Variants in CASP4 observed in about 807,000 individuals in gnomAD.
CASP4 encodes caspase 4.
CASP4 carries 29 observed loss-of-function variants against 41.3 expected under a neutral mutation model. That is an observed-to-expected ratio of 0.70 (90% CI 0.52 to 0.96). The LOEUF is 0.96. Ranked by LOEUF, CASP4 falls within the 40% of genes least tolerant of loss-of-function variation. The pLI, the probability that CASP4 is intolerant of heterozygous loss-of-function variation, is 0.00. For missense variants in CASP4, 447 were observed against 460.6 expected, an observed-to-expected ratio of 0.97 and a Z score of 0.27; for synonymous variants, 185 against 158.4, an observed-to-expected ratio of 1.17 and a Z score of -1.26.
At chr11:104,949,852 G>A (rs904427899) in intron 4 of CASP4, 75 bp from the exon 5 acceptor site, 15 of 1,350,798 alleles carry the variant, frequency 1.1e-5, no homozygotes, top group Admixed American at 5.3e-5. Flanking sequence ...TACCATGAGC[G>A]AAACAAGAAA....
Position 104,949,769 on chromosome 11 carries a change from C to T in CASP4, c.555G>A (p.Glu185=), listed in dbSNP as rs770023535. Residue 185 remains glutamate, a synonymous_variant, in exon 5 of 9, where the codon GAG becomes GAA. Transcript: ENST00000444739. ...TGGTAGCAAATGCCCTCAGCGCTGA[C>T]TCCATATCCTGTAAAAGAGCAATGT... ...VEENLTARDM[E]SALRAFATRP... The T allele has an allele frequency of 2.2e-5, 35 of 1,613,552 alleles. No individual in the cohort carries two copies. Among genetic ancestry groups the T allele is most frequent in the Non-Finnish European group, 2.6e-5 (31 of 1,179,766 alleles).
intron 1 of CASP4, 46 bp downstream of exon 1, chr11:104,968,473 T>C (rs760952282): frequency 6.4e-7 from 1 of 1,558,838 alleles, no homozygotes; most frequent in South Asian, 1.1e-5. Context: ...AAATCAAGTG[T>C]TTTCTAAGTT....
At chr11:104,955,432 T>C (rs1046735141) in intron 1 of CASP4, among the ~76,000 whole-genome samples, 2 of 152,148 alleles carry the variant, frequency 1.3e-5, no homozygotes, top group African/African-American at 4.8e-5. Context: ...CTATATGATT[T>C]TTACTCTTTT....
rs1164412501 is a variant in CASP4 at position 104,965,988 on chromosome 11, C to G, written c.7+2531G>C. ...ACTTTGACACCCTATGATTCCATCT[C>G]CCACCTGAGTAATCAGCACTTCCTA... On this transcript the variant is annotated intron_variant, in intron 1 of 8. Coordinates refer to ENST00000444739, the MANE Select transcript of CASP4 (RefSeq NM_001225.4). Among the ~76,000 whole-genome samples, 7 of 152,196 alleles carry G rather than the reference C, an allele frequency of 4.6e-5. No homozygotes were observed. In the South Asian group the frequency reaches 1.4e-3, roughly 31 times the overall value.
At chr11:104,946,531 T>C (rs1565363390) in intron 7 of CASP4, 2 of 152,230 alleles carry the variant, frequency 1.3e-5, no homozygotes, top group Non-Finnish European at 2.9e-5. Flanking sequence ...TGTCCCAAGT[T>C]GGGCAAGAAG....
chr11:104,961,298 T>C (rs569656816), intron 1 of CASP4, among the ~76,000 whole-genome samples: 1 of 152,238 alleles, frequency 6.6e-6, no homozygotes. Flanking sequence ...TGTAGCTGCA[T>C]TGAAGGGTGT....
chr11:104,951,158 T>C lies in CASP4; in HGVS notation c.373-60A>G. 2.0e-6 allele frequency: 3 copies of C among 1,471,504 alleles called. No individual in the cohort carries two copies. In the African/African-American group the frequency reaches 4.2e-5, roughly 21 times the overall value. 91.2% of individuals were successfully genotyped at this position (1,471,504 alleles called of 1,614,324 possible). A position where few individuals can be genotyped will look rare whatever the true frequency, so the allele number is the denominator to read the frequency against. ...CTCAAGTCTCCTTTCAGCCTCCTTA[T>C]GCCTATCAGTGTTGCTTTTTCAAGT... On this transcript the variant is annotated intron_variant, in intron 3 of 8. Coordinates refer to ENST00000444739, the MANE Select transcript of CASP4 (RefSeq NM_001225.4).
At chr11:104,953,839 A>G (rs552013386) in intron 2 of CASP4, among the ~76,000 whole-genome samples, 28 of 152,254 alleles carry the variant, frequency 1.8e-4, no homozygotes, top group African/African-American at 6.0e-4. Context: ...CTGGGTCAAA[A>G]GTTCCAAAAA....
chr11:104,960,711 C>T (rs1214495248), intron 1 of CASP4, among the ~76,000 whole-genome samples: 1 of 152,154 alleles, frequency 6.6e-6, no homozygotes, highest in Non-Finnish European at 1.5e-5. Flanking sequence ...CTCAGGTGAT[C>T]CACCCATCTT....
intron 1 of CASP4, among the ~76,000 whole-genome samples, chr11:104,965,380 C>T (rs1860950102): frequency 6.6e-6 from 1 of 152,212 alleles, no homozygotes; most frequent in African/African-American, 2.4e-5. Context: ...ACTCTAATTT[C>T]CACTATGTCT....
chr11:104,958,424 A>C (rs1285406251), intron 1 of CASP4, among the ~76,000 whole-genome samples: 1 of 152,202 alleles, frequency 6.6e-6, no homozygotes, highest in Non-Finnish European at 1.5e-5. Context: ...AACACAAACA[A>C]TTCAATAGAA....
chr11:104,959,591 A>G lies in CASP4; in HGVS notation c.8-4590T>C, dbSNP rs532941639. 4.6e-5 allele frequency among the ~76,000 whole-genome samples: 7 copies of G among 152,336 alleles called. No homozygotes were observed. In the East Asian group the frequency reaches 1.2e-3, roughly 25 times the overall value. ...GATGTGGATGTCGGTATTGAAACCT[A>G]TACATTCAATAGACAATGAGATATC... On this transcript the variant is annotated intron_variant, in intron 1 of 8. Coordinates refer to ENST00000444739, the MANE Select transcript of CASP4 (RefSeq NM_001225.4).
intron 1 of CASP4, among the ~76,000 whole-genome samples, chr11:104,961,753 C>T (rs1303818452): frequency 6.6e-6 from 1 of 152,112 alleles, no homozygotes; most frequent in Non-Finnish European, 1.5e-5. Context: ...GTCTCATCTT[C>T]GTGTGTGTTT....
At chr11:104,957,423 T>C (rs1170842305) in intron 1 of CASP4, among the ~76,000 whole-genome samples, 2 of 152,126 alleles carry the variant, frequency 1.3e-5, no homozygotes, top group Non-Finnish European at 2.9e-5. Flanking sequence ...ATTTAAAAAG[T>C]TGGCTGGCCA....
chr11:104,945,254 T>TTC (rs1397866938), intron 7 of CASP4, among the ~76,000 whole-genome samples: 4 of 2,460 alleles, frequency 1.6e-3, no homozygotes, highest in African/African-American at 1.7e-3. Flanking sequence ...TTATCTTTCT[T>TTC]TTTTTTTTTT....
chr11:104,944,828 T>G lies in CASP4; in HGVS notation c.1059A>C (p.Pro353=). ...FRKVQQSFET[P]RAKAQMPTIE... ...TGGTGGGCATTTGAGCTTTGGCCCT[T>G]GGAGTTTCAAATGATTGCTGTACCT... Residue 353 remains proline, a synonymous_variant, in exon 8 of 9, where the codon CCA becomes CCC. Coordinates refer to ENST00000444739, the MANE Select transcript of CASP4 (RefSeq NM_001225.4). 3 of 1,613,096 alleles carry G rather than the reference T, an allele frequency of 1.9e-6. No individual in the cohort carries two copies. Among genetic ancestry groups the G allele is most frequent in the Non-Finnish European group, 2.5e-6 (3 of 1,179,144 alleles).
chr11:104,965,799 A>G (rs911478126), intron 1 of CASP4, among the ~76,000 whole-genome samples: 1 of 152,192 alleles, frequency 6.6e-6, no homozygotes, highest in East Asian at 1.9e-4. Context: ...GAATGTCCCC[A>G]TTGTGCTCCC....
chr11:104,952,810 G>C (rs1292367260), intron 2 of CASP4, among the ~76,000 whole-genome samples: 1 of 152,222 alleles, frequency 6.6e-6, no homozygotes, highest in Non-Finnish European at 1.5e-5. Context: ...CTCTGGAGAT[G>C]TAACAAGTTG....
chr11:104,967,520 C>A (rs975307137), intron 1 of CASP4, among the ~76,000 whole-genome samples: 2 of 152,120 alleles, frequency 1.3e-5, no homozygotes, highest in African/African-American at 4.8e-5. Context: ...CTGTATGTCC[C>A]TGAGCAAAGT....
Sources: gnomAD v4.1 joint callset for allele counts (sites outside exome capture counted in the v4.1 genomes callset) on GRCh38, gnomAD v4.1.1 for gene constraint, MANE v1.5 for transcripts, NCBI Gene and HGNC (gene_info 2026-07-23, HGNC 2026-07-21) for gene names.